Variants in CDH4 observed in about 807,000 individuals in gnomAD.
CDH4 encodes the protein cadherin-4.
In CDH4, 33 loss-of-function variants were observed where a neutral mutation model predicts 86.0. That is an observed-to-expected ratio of 0.38 (90% CI 0.29 to 0.51). The LOEUF (loss-of-function observed/expected upper bound fraction) is 0.51, where lower values mean the gene tolerates loss of function less well. CDH4 is among the 20% of genes least tolerant of loss of function. The pLI is 0.86. For synonymous variants in CDH4, 555 were observed against 549.4 expected, an observed-to-expected ratio of 1.01 and a Z score of -0.14; for missense variants, 1,114 against 1,307.4, an observed-to-expected ratio of 0.85 and a Z score of 2.28.
At chr20:61,507,240 T>G (rs1290760253) in intron 2 of CDH4, among the ~76,000 whole-genome samples, 1 of 152,248 alleles carries the variant, frequency 6.6e-6, no homozygotes, top group Non-Finnish European at 1.5e-5. Flanking sequence ...GAATAGCTTT[T>G]GGTACCACAT....
In CDH4 at chr20:61,377,906, G is replaced by A. The variant is rs1006246473; in HGVS notation, c.169+122969G>A. Among the ~76,000 whole-genome samples, 8 of 152,208 alleles carry A rather than the reference G, an allele frequency of 5.3e-5. No individual in the cohort carries two copies. Among genetic ancestry groups the A allele is most frequent in the Non-Finnish European group, 8.8e-5 (6 of 68,034 alleles). On this transcript the variant is annotated intron_variant, in intron 2 of 15. Transcript: ENST00000614565. The surrounding 1 kb of genome is among the most constrained non-coding windows in gnomAD (Gnocchi z 4.0). ...TAGCTCACACATCCCTTCATGTGCC[G>A]TGATGTTGACTCACGTGATCTGGAT...
chr20:61,860,597 C>T (rs1983278616), intron 6 of CDH4, among the ~76,000 whole-genome samples: 1 of 152,168 alleles, frequency 6.6e-6, no homozygotes, highest in African/African-American at 2.4e-5. Context: ...CAAGCAGAAA[C>T]AGCACCTCAG....
intron 2 of CDH4, among the ~76,000 whole-genome samples, chr20:61,339,388 A>G (rs184602543): frequency 1.4e-3 from 211 of 152,270 alleles, no homozygotes; most frequent in African/African-American, 4.9e-3. Flanking sequence ...GGAGATCTGA[A>G]GCAAAGATGA....
intron 2 of CDH4, among the ~76,000 whole-genome samples, chr20:61,575,678 G>A (rs928152696): frequency 6.6e-6 from 1 of 152,208 alleles, no homozygotes; most frequent in African/African-American, 2.4e-5. Flanking sequence ...TTTACATATT[G>A]TCTGTAACTG....
chr20:61,311,563 C>G (rs2084445817), intron 2 of CDH4, among the ~76,000 whole-genome samples: 1 of 152,162 alleles, frequency 6.6e-6, no homozygotes, highest in South Asian at 2.1e-4. Context: ...TCACTAGTAA[C>G]CAAGGGAAAG....
intron 2 of CDH4, among the ~76,000 whole-genome samples, chr20:61,325,195 C>T (rs564790470): frequency 1.9e-4 from 28 of 149,054 alleles, no homozygotes; most frequent in African/African-American, 6.4e-4. Flanking sequence ...CAACATCCTT[C>T]GGTGGGTCAT....
chr20:61,844,956 C>T (rs1982369544), intron 5 of CDH4, 133 bp downstream of exon 5: 2 of 944,436 alleles, frequency 2.1e-6, no homozygotes, highest in East Asian at 2.7e-5. Flanking sequence ...TGGCCTGGAG[C>T]AGAATCCTGG....
chr20:61,875,937 AACACACAC>A (rs34781850), intron 7 of CDH4, among the ~76,000 whole-genome samples: 1 of 151,158 alleles, frequency 6.6e-6, no homozygotes, highest in South Asian at 2.1e-4. Flanking sequence ...GCGCTCCCCC[AACACACAC>A]ACACACACAC....
intron 2 of CDH4, among the ~76,000 whole-genome samples, chr20:61,273,386 G>T (rs1448998986): frequency 7.9e-6 from 1 of 126,062 alleles, no homozygotes; most frequent in Non-Finnish European, 1.7e-5. Flanking sequence ...GGGGAGTACC[G>T]TGTGCAGTTT....
Position 61,316,196 on chromosome 20 carries a change from T to C in CDH4, c.169+61259T>C, listed in dbSNP as rs76942791. ...AGTCTATGAAACAAGAAATGGAAGTTTACTTCCCAAACAGAAGGGCAATTT... is the reference window on the plus strand; with the variant it reads ...AGTCTATGAAACAAGAAATGGAAGTCTACTTCCCAAACAGAAGGGCAATTT... On this transcript the variant is annotated intron_variant, in intron 2 of 15. Transcript: ENST00000614565. 9.9e-3 allele frequency among the ~76,000 whole-genome samples: 1,511 copies of C among 152,266 alleles called. 32 individuals are homozygous for C. The highest frequency in any genetic ancestry group is 0.035 in the African/African-American group (1,447 of 41,544).
At chr20:61,603,238 CAGAT>C (rs1043750762) in intron 2 of CDH4, among the ~76,000 whole-genome samples, 1 of 152,126 alleles carries the variant, frequency 6.6e-6, no homozygotes, top group African/African-American at 2.4e-5. Flanking sequence ...GGTTGGGAGA[CAGAT>C]AGGGAAGTCA....
At chr20:61,717,631 G>A (rs1444874893) in intron 2 of CDH4, 2 of 152,328 alleles carry the variant, frequency 1.3e-5, no homozygotes, top group East Asian at 3.9e-4. Context: ...GGGATTACAG[G>A]CGCACACCAC....
intron 2 of CDH4, among the ~76,000 whole-genome samples, chr20:61,487,289 G>A (rs1214876703): frequency 2.0e-5 from 3 of 152,160 alleles, no homozygotes; most frequent in Non-Finnish European, 2.9e-5. Flanking sequence ...AGGGGGCTTC[G>A]TGGGCTGGAA....
At chr20:61,898,770 C>A (rs1157016407) in intron 8 of CDH4, among the ~76,000 whole-genome samples, 1 of 152,156 alleles carries the variant, frequency 6.6e-6, no homozygotes, top group Non-Finnish European at 1.5e-5. Context: ...AAGGTGTCGT[C>A]GGGAGCACTG....
chr20:61,586,280 G>A (rs1220518732), intron 2 of CDH4, among the ~76,000 whole-genome samples: 1 of 152,194 alleles, frequency 6.6e-6, no homozygotes, highest in East Asian at 1.9e-4. Context: ...GATGGTGATA[G>A]TGGGGATAGG....
At position 61,929,628 on chromosome 20, in the gene CDH4, C is replaced by T; in HGVS notation, c.2025C>T (p.Ser675=). ...TRLNGDYAQL[S]LRILYLEAGM... is the part of the protein sequence containing the mutation. ...CACCAGGTGACTATGCCCAACTCAG[C>T]TTGCGCATCCTGTACCTGGAGGCCG... Residue 675 remains serine, a synonymous_variant, in exon 13 of 16, where the codon AGC becomes AGT. Coordinates refer to ENST00000614565, the MANE Select transcript of CDH4 (RefSeq NM_001794.5). The T allele has an allele frequency of 6.2e-7, 1 of 1,613,826 alleles. No individual in the cohort carries two copies. The highest frequency in any genetic ancestry group is 2.2e-5 in the East Asian group (1 of 44,884).
rs1568786656 is a variant in CDH4, at chr20:61,296,292, T to TGC, written c.169+41356_169+41357insCG. 1.4e-3 allele frequency among the ~76,000 whole-genome samples: 200 copies of TGC among 143,424 alleles called. 2 individuals are homozygous for TGC. Among genetic ancestry groups the TGC allele is most frequent in the African/African-American group, 5.4e-3 (185 of 34,522 alleles). 94.1% of individuals were successfully genotyped at this position (143,424 alleles called of 152,430 possible). On this transcript the variant is annotated intron_variant, in intron 2 of 15. Coordinates refer to ENST00000614565, the MANE Select transcript of CDH4 (RefSeq NM_001794.5). ...GTGTGTGTGCGTGGGTGCGTGTGTG[T>TGC]GTGTGCGTGGGTGCGTGTGTGTGCA...
intron 3 of CDH4, among the ~76,000 whole-genome samples, chr20:61,751,258 TA>T (rs1156775388): frequency 6.6e-6 from 1 of 152,218 alleles, no homozygotes; most frequent in African/African-American, 2.4e-5. Context: ...CTCTACCCAC[TA>T]AACGCCAGGT....
intron 2 of CDH4, among the ~76,000 whole-genome samples, chr20:61,595,122 C>T (rs991133093): frequency 8.5e-5 from 13 of 152,214 alleles, no homozygotes; most frequent in African/African-American, 1.4e-4. Context: ...ACCTGTGCAG[C>T]GCCCCAGGAC....
Sources: gnomAD v4.1 joint callset for allele counts (sites outside exome capture counted in the v4.1 genomes callset) on GRCh38, gnomAD v4.1.1 for gene constraint, Gnocchi (gnomAD v3.1) non-coding constraint, MANE v1.5 for transcripts, NCBI Gene and HGNC (gene_info 2026-07-23, HGNC 2026-07-21) for gene names.